XRCC4: variants seen among roughly 807,000 people sequenced by gnomAD.
The protein encoded by XRCC4 is X-ray repair cross complementing 4.
Under a neutral mutation model 39.1 loss-of-function variants are expected in XRCC4, and 28 were observed. That is an observed-to-expected ratio of 0.72 (90% CI 0.53 to 0.98). XRCC4 has a LOEUF of 0.98. Ranked by LOEUF, XRCC4 falls within the 50% of genes least tolerant of loss-of-function variation. The probability of loss-of-function intolerance (pLI) is 0.00; values close to 1 mark genes in which losing one functional copy is unlikely to be tolerated. For missense variants in XRCC4, 350 were observed against 376.4 expected, an observed-to-expected ratio of 0.93 and a Z score of 0.58; for synonymous variants, 123 against 126.4, an observed-to-expected ratio of 0.97 and a Z score of 0.18.
intron 4 of XRCC4, among the ~76,000 whole-genome samples, chr5:83,199,183 G>A (rs1334168222): frequency 6.6e-6 from 1 of 152,112 alleles, no homozygotes; most frequent in Non-Finnish European, 1.5e-5. Context: ...AATTCAGTCC[G>A]ATTTTTAAAG....
At chr5:83,329,542 A>G (rs1375412147) in intron 7 of XRCC4, among the ~76,000 whole-genome samples, 1 of 152,160 alleles carries the variant, frequency 6.6e-6, no homozygotes, top group Non-Finnish European at 1.5e-5. Context: ...TCCATAAAAC[A>G]CTTATTAATT....
At position 83,200,586 on chromosome 5, in the gene XRCC4, G is replaced by A. The variant is rs888962978; in HGVS notation, c.483-2966G>A. 1.4e-4 allele frequency among the ~76,000 whole-genome samples: 19 copies of A among 136,482 alleles called. 1 individual carries two copies. In the South Asian group the frequency reaches 4.4e-3, roughly 32 times the overall value. 89.5% of individuals were successfully genotyped at this position (136,482 alleles called of 152,430 possible). Reference sequence around the variant, plus strand: ...AATGTTAATTTTAATAAAGGTTTGGGAATTAGCTTGTTAGTTGTTAAGTAC... The same window carrying A: ...AATGTTAATTTTAATAAAGGTTTGGAAATTAGCTTGTTAGTTGTTAAGTAC... On this transcript the variant is annotated intron_variant, in intron 4 of 7. Transcript: ENST00000396027.
chr5:83,194,130 G>A (rs1203024894), intron 3 of XRCC4, among the ~76,000 whole-genome samples: 1 of 152,092 alleles, frequency 6.6e-6, no homozygotes, highest in African/African-American at 2.4e-5. Context: ...ACTAAACACT[G>A]TCTTTACAAC....
intron 7 of XRCC4, among the ~76,000 whole-genome samples, chr5:83,266,339 A>G (rs1477247628): frequency 3.4e-5 from 5 of 148,648 alleles, no homozygotes; most frequent in Non-Finnish European, 7.5e-5. Flanking sequence ...CTCAATGTAA[A>G]GTAAGTATTT....
At chr5:83,284,050 AGC>A (rs1480724973) in intron 7 of XRCC4, among the ~76,000 whole-genome samples, 2 of 125,434 alleles carry the variant, frequency 1.6e-5, no homozygotes, top group African/African-American at 3.1e-5. Context: ...ACCAACCCAG[AGC>A]AAAAAAAAAA....
At chr5:83,343,592 C>T (rs759116719) in intron 7 of XRCC4, among the ~76,000 whole-genome samples, 3 of 152,288 alleles carry the variant, frequency 2.0e-5, no homozygotes, top group Admixed American at 1.3e-4. Flanking sequence ...TGTGGGCACA[C>T]AAAGTAAACT....
chr5:83,153,797 T>C (rs1380141180), intron 3 of XRCC4, among the ~76,000 whole-genome samples: 1 of 152,224 alleles, frequency 6.6e-6, no homozygotes, highest in Non-Finnish European at 1.5e-5. Flanking sequence ...AAACTTGTGA[T>C]TTATATACTC....
intron 6 of XRCC4, among the ~76,000 whole-genome samples, chr5:83,254,959 C>T (rs1339499705): frequency 2.0e-5 from 3 of 151,900 alleles, no homozygotes; most frequent in Non-Finnish European, 4.4e-5. Flanking sequence ...TGGTGGCAGG[C>T]TTCTGTAATC....
At chr5:83,143,743 G>A (rs1472259655) in intron 3 of XRCC4, among the ~76,000 whole-genome samples, 1 of 151,628 alleles carries the variant, frequency 6.6e-6, no homozygotes, top group African/African-American at 2.4e-5. Context: ...ATTTCAATGT[G>A]TTGTTTTGTT....
intron 2 of XRCC4, among the ~76,000 whole-genome samples, chr5:83,108,728 C>T (rs936786095): frequency 6.6e-6 from 1 of 151,702 alleles, no homozygotes; most frequent in African/African-American, 2.4e-5. Context: ...AAATTTATTT[C>T]CTATTTCTCT....
At chr5:83,127,419 T>A (rs1297967714) in intron 3 of XRCC4, among the ~76,000 whole-genome samples, 1 of 152,124 alleles carries the variant, frequency 6.6e-6, no homozygotes, top group African/African-American at 2.4e-5. Flanking sequence ...CTGATGCTTT[T>A]ATAAGGTGAT....
intron 1 of XRCC4, among the ~76,000 whole-genome samples, chr5:83,098,923 A>G (rs1745801442): frequency 6.6e-6 from 1 of 152,164 alleles, no homozygotes; most frequent in Non-Finnish European, 1.5e-5. Flanking sequence ...AGCCTAGTGT[A>G]GTTTCATAAA....
chr5:83,263,304 T>C (rs1753830419), intron 7 of XRCC4, among the ~76,000 whole-genome samples: 1 of 151,936 alleles, frequency 6.6e-6, no homozygotes, highest in Non-Finnish European at 1.5e-5. Context: ...GCAGTAAACA[T>C]ACATGTGCAT....
rs183307212 is a variant in XRCC4, at chr5:83,086,114, G to T, written c.-11+8499G>T. On this transcript the variant is annotated intron_variant, in intron 1 of 7. Coordinates refer to ENST00000396027, the MANE Select transcript of XRCC4 (RefSeq NM_003401.5). ...TTCTCCTTTCTAATGGTAGTGATAGGTGGCTTTTAAATAGTAATCTAATCA... is the reference window on the plus strand; with the variant it reads ...TTCTCCTTTCTAATGGTAGTGATAGTTGGCTTTTAAATAGTAATCTAATCA... Among the ~76,000 whole-genome samples, 533 of 152,244 alleles carry T rather than the reference G, an allele frequency of 3.5e-3. 5 individuals carry two copies. The highest frequency in any genetic ancestry group is 0.019 in the South Asian group (90 of 4,822).
chr5:83,156,292 T>C (rs1748958048), intron 3 of XRCC4, among the ~76,000 whole-genome samples: 1 of 151,852 alleles, frequency 6.6e-6, no homozygotes, highest in Admixed American at 6.6e-5. Flanking sequence ...TATTTTTTTT[T>C]TTTTTTGCTT....
At chr5:83,264,338 T>A (rs1037334171) in intron 7 of XRCC4, among the ~76,000 whole-genome samples, 2 of 152,104 alleles carry the variant, frequency 1.3e-5, no homozygotes, top group Non-Finnish European at 2.9e-5. Context: ...TAGGCAATAT[T>A]CACTCTTAAT....
At chr5:83,089,698 G>A (rs1010357702) in intron 1 of XRCC4, among the ~76,000 whole-genome samples, 19 of 151,882 alleles carry the variant, frequency 1.3e-4, no homozygotes, top group Non-Finnish European at 1.3e-4. Context: ...TTAGGGAGAA[G>A]CTGGGAATGT....
chr5:83,324,736 G>A (rs1394988291), intron 7 of XRCC4, among the ~76,000 whole-genome samples: 1 of 152,072 alleles, frequency 6.6e-6, no homozygotes, highest in African/African-American at 2.4e-5. Context: ...ACATTCTAAT[G>A]ATTAGCCCTA....
intron 1 of XRCC4, among the ~76,000 whole-genome samples, chr5:83,103,096 T>C (rs910128816): frequency 6.7e-6 from 1 of 148,936 alleles, no homozygotes; most frequent in African/African-American, 2.5e-5. Context: ...GAATGCTAGG[T>C]GTAAAACTCT....
Sources: gnomAD v4.1 joint callset for allele counts (sites outside exome capture counted in the v4.1 genomes callset) on GRCh38, gnomAD v4.1.1 for gene constraint, MANE v1.5 for transcripts, NCBI Gene and HGNC (gene_info 2026-07-23, HGNC 2026-07-21) for gene names.